ULK4: variants seen among roughly 807,000 people sequenced by gnomAD.
ULK4 encodes unc-51 like kinase 4.
Under a neutral mutation model 160.6 loss-of-function variants are expected in ULK4, and 133 were observed. The ratio of observed to expected loss-of-function variants is 0.83; its 90% CI spans 0.72 to 0.96. ULK4 has a LOEUF of 0.96. Among genes scored for constraint, ULK4 ranks in the 40% least tolerant of loss-of-function variants. The pLI is 0.00. For missense variants in ULK4, 1,580 were observed against 1,499.5 expected (o/e 1.05, Z -0.89); for synonymous variants, 534 against 539.8 (o/e 0.99, Z 0.15).
chr3:41,416,630 GCAGGAAAAAGAA>G, intron 34 of ULK4, among the ~76,000 whole-genome samples: 1 of 152,168 alleles, frequency 6.6e-6, no homozygotes, highest in South Asian at 2.1e-4. Context: ...TATAGTGCTG[GCAGGAAAAAGAA>G]AAGGAGAAAA....
chr3:41,903,508 C>T (rs995942406), intron 12 of ULK4, among the ~76,000 whole-genome samples: 5 of 151,880 alleles, frequency 3.3e-5, no homozygotes, highest in Admixed American at 2.0e-4. Context: ...TCACTTGAAC[C>T]CGGGAGGCAG....
intron 32 of ULK4, among the ~76,000 whole-genome samples, chr3:41,557,287 G>T (rs2087334277): frequency 6.6e-6 from 1 of 151,168 alleles, no homozygotes; most frequent in Non-Finnish European, 1.5e-5. Context: ...TTTGAAACTT[G>T]TAAATAGACC....
chr3:41,526,500 G>A (rs1282853934), intron 32 of ULK4, among the ~76,000 whole-genome samples: 1 of 152,226 alleles, frequency 6.6e-6, no homozygotes, highest in Non-Finnish European at 1.5e-5. Context: ...CAAGACCAGA[G>A]ATGACAGAAA....
intron 30 of ULK4, among the ~76,000 whole-genome samples, chr3:41,663,278 A>C (rs568167941): frequency 6.6e-6 from 1 of 152,286 alleles, no homozygotes; most frequent in South Asian, 2.1e-4. Flanking sequence ...ACAGTTGATA[A>C]ATACTATTGA....
rs948138200 is a variant in ULK4, at chr3:41,850,040, C to T, written c.1657-14069G>A. ...AGTGTCCTCATTGTTCAATTCCCAC[C>T]TATGAGTGAGAACATGTGGTGTTTG... On this transcript the variant is annotated intron_variant, in intron 17 of 36. Coordinates refer to ENST00000301831, the MANE Select transcript of ULK4 (RefSeq NM_017886.4). 2.6e-5 allele frequency among the ~76,000 whole-genome samples: 4 copies of T among 152,094 alleles called. No individual in the cohort carries two copies. In the South Asian group the frequency reaches 8.3e-4, roughly 32 times the overall value.
intron 21 of ULK4, among the ~76,000 whole-genome samples, chr3:41,775,105 A>G (rs2039555874): frequency 6.7e-6 from 1 of 149,148 alleles, no homozygotes; most frequent in African/African-American, 2.6e-5. Flanking sequence ...TACCATTAGG[A>G]GATATACCTA....
At chr3:41,510,058 A>G in intron 32 of ULK4, among the ~76,000 whole-genome samples, 1 of 152,226 alleles carries the variant, frequency 6.6e-6, no homozygotes. Flanking sequence ...AAAATTCACC[A>G]AACAAATTTC....
At chr3:41,407,778 C>T (rs1396854190) in intron 34 of ULK4, among the ~76,000 whole-genome samples, 1 of 152,142 alleles carries the variant, frequency 6.6e-6, no homozygotes, top group African/African-American at 2.4e-5. Context: ...AGAGTGAACT[C>T]CCTTCCCCTA....
At chr3:41,303,719 A>C (rs983592742) in intron 35 of ULK4, among the ~76,000 whole-genome samples, 3 of 152,146 alleles carry the variant, frequency 2.0e-5, no homozygotes, top group African/African-American at 7.2e-5. Flanking sequence ...GACATGCTCA[A>C]GTCTGTAATT....
At position 41,935,797 on chromosome 3, in the gene ULK4, T is replaced by G; in HGVS notation, c.378+4A>C. The G allele has an allele frequency of 6.3e-7, 1 of 1,598,974 alleles. No individual in the cohort carries two copies. The highest frequency in any genetic ancestry group is 1.7e-4 in the Middle Eastern group (1 of 6,014). On this transcript the variant is annotated splice_donor_region_variant and intron_variant, in intron 4 of 36. Coordinates refer to ENST00000301831, the MANE Select transcript of ULK4 (RefSeq NM_017886.4). ...TTAGAAAATCAAAAACTTTCATGAA[T>G]TACCTTCCTAGGAGAAATGTCACAA...
chr3:41,366,558 C>CAA (rs1194930867), intron 35 of ULK4, among the ~76,000 whole-genome samples: 1 of 151,666 alleles, frequency 6.6e-6, no homozygotes, highest in African/African-American at 2.4e-5. Flanking sequence ...TACACACACA[C>CAA]ACACACACAC....
intron 17 of ULK4, among the ~76,000 whole-genome samples, chr3:41,869,788 T>C (rs931477580): frequency 6.6e-6 from 1 of 152,214 alleles, no homozygotes; most frequent in Non-Finnish European, 1.5e-5. Context: ...TTGTTTATTT[T>C]CCAACATATT....
chr3:41,361,264 G>C (rs1259834517), intron 35 of ULK4, among the ~76,000 whole-genome samples: 2 of 152,254 alleles, frequency 1.3e-5, no homozygotes, highest in Admixed American at 6.5e-5. Flanking sequence ...CATCAGCTGA[G>C]AGAGAAGATG....
intron 27 of ULK4, among the ~76,000 whole-genome samples, chr3:41,690,212 A>G (rs1307342496): frequency 2.0e-5 from 3 of 150,320 alleles, no homozygotes; most frequent in African/African-American, 7.3e-5. Context: ...AACACCGCAT[A>G]TTCTCACTCA....
chr3:41,767,918 G>A (rs1418516708), intron 21 of ULK4, among the ~76,000 whole-genome samples: 1 of 152,272 alleles, frequency 6.6e-6, no homozygotes. Flanking sequence ...TTTATTGCAG[G>A]AGTCCCCAAC....
intron 34 of ULK4, among the ~76,000 whole-genome samples, chr3:41,412,677 C>T (rs1157654521): frequency 2.0e-5 from 3 of 149,058 alleles, no homozygotes; most frequent in Non-Finnish European, 4.4e-5. Flanking sequence ...TCTCATGCTT[C>T]GGGCTCCTAA....
intron 21 of ULK4, among the ~76,000 whole-genome samples, chr3:41,761,442 C>A (rs2038982737): frequency 6.7e-6 from 1 of 149,776 alleles, no homozygotes; most frequent in Non-Finnish European, 1.5e-5. Flanking sequence ...CAATGTATAA[C>A]AGCAATGATT....
chr3:41,817,730 T>G (rs2041018647), intron 19 of ULK4, among the ~76,000 whole-genome samples: 1 of 152,090 alleles, frequency 6.6e-6, no homozygotes, highest in South Asian at 2.1e-4. Context: ...CATATACCCA[T>G]GTAACAAACC....
intron 2 of ULK4, among the ~76,000 whole-genome samples, chr3:41,953,619 A>G (rs1700377048): frequency 6.6e-6 from 1 of 152,152 alleles, no homozygotes; most frequent in Non-Finnish European, 1.5e-5. Context: ...AGCCTACGCT[A>G]TAAAGTGACA....
Sources: gnomAD v4.1 joint callset for allele counts (sites outside exome capture counted in the v4.1 genomes callset) on GRCh38, gnomAD v4.1.1 for gene constraint, MANE v1.5 for transcripts, NCBI Gene and HGNC (gene_info 2026-07-23, HGNC 2026-07-21) for gene names.